MGAT4C: variants seen among roughly 807,000 people sequenced by gnomAD.
The protein encoded by MGAT4C is MGAT4 family member C.
A neutral mutation model predicts 40.1 loss-of-function variants in MGAT4C; 19 were observed. The observed-to-expected ratio is 0.47, with a 90% CI of 0.33 to 0.70. MGAT4C has a LOEUF of 0.70. MGAT4C is among the 30% of genes least tolerant of loss of function. The pLI, the probability that MGAT4C is intolerant of heterozygous loss-of-function variation, is 0.02. For synonymous variants in MGAT4C, 181 were observed against 187.1 expected (o/e 0.97, Z 0.27); for missense variants, 491 against 563.2 (o/e 0.87, Z 1.30).
At chr12:86,174,579 G>A (rs1437199316) in intron 1 of MGAT4C, among the ~76,000 whole-genome samples, 1 of 151,928 alleles carries the variant, frequency 6.6e-6, no homozygotes, top group Non-Finnish European at 1.5e-5. Flanking sequence ...ATTATTTAAG[G>A]TTCTACCATT....
At chr12:86,433,137 G>C (rs1361301759) in intron 3 of MGAT4C, among the ~76,000 whole-genome samples, 5 of 151,934 alleles carry the variant, frequency 3.3e-5, no homozygotes, top group African/African-American at 1.2e-4. Context: ...AAACTCATCA[G>C]GGGGGCAGAG....
intron 4 of MGAT4C, among the ~76,000 whole-genome samples, chr12:86,274,128 G>A (rs1953013827): frequency 6.6e-6 from 1 of 152,060 alleles, no homozygotes. Context: ...GAGAGTGAGG[G>A]AAGAGGTGCT....
Position 86,795,026 on chromosome 12 carries a change from T to A in MGAT4C, c.-262+43640A>T, listed in dbSNP as rs188466893. 5.3e-4 allele frequency among the ~76,000 whole-genome samples: 80 copies of A among 152,096 alleles called. No individual in the cohort carries two copies. In the East Asian group the frequency reaches 0.015, roughly 29 times the overall value. ...TCATAGAAATATATTTAAAATGATA[T>A]AAGCATAATGTTCAATTTTAAAACT... is the stretch of plus-strand genomic sequence containing the variant. On this transcript the variant is annotated intron_variant, in intron 1 of 7. Coordinates refer to the MGAT4C transcript ENST00000548651.
chr12:86,783,235 G>C (rs1306267573), intron 1 of MGAT4C, among the ~76,000 whole-genome samples: 4 of 152,010 alleles, frequency 2.6e-5, no homozygotes, highest in Admixed American at 1.3e-4. Context: ...AGACCGAAAG[G>C]CCATAAGAAT....
rs1179790314 is a variant in MGAT4C at position 86,774,291 on chromosome 12, C to CTTTCTTTCTT, written c.-261-47060_-261-47051dup. Among the ~76,000 whole-genome samples the CTTTCTTTCTT allele has an allele frequency of 4.1e-3, 116 of 28,620 alleles. 12 individuals carry two copies. Among genetic ancestry groups the CTTTCTTTCTT allele is most frequent in the African/African-American group, 8.2e-3 (91 of 11,146 alleles). The allele number at this position is 28,620 out of a possible 152,430, so 18.8% of individuals were successfully genotyped here. Reference sequence around the variant, plus strand: ...AACTTCTAAGGCTTGCTCTTTCTTTCTTTCTTTCTTTCTTTCTTTCTTTCT... The same window carrying CTTTCTTTCTT: ...AACTTCTAAGGCTTGCTCTTTCTTTCTTTCTTTCTTTTTCTTTCTTTCTTTCTTTCTTTCT... On this transcript the variant is annotated intron_variant, in intron 1 of 7. Coordinates refer to the MGAT4C transcript ENST00000548651.
rs537112803 is a variant in MGAT4C, at chr12:86,593,750, CTG to C, written c.-229+133457_-229+133458del. ...TATTATTTCTATTCTTTTAAATAGA[CTG>C]AGATTTTTTTCGGCTGCATATTTGT... On this transcript the variant is annotated intron_variant, in intron 2 of 7. Coordinates refer to the MGAT4C transcript ENST00000548651. 3.0e-3 allele frequency among the ~76,000 whole-genome samples: 454 copies of C among 152,106 alleles called. 2 individuals carry two copies. The highest frequency in any genetic ancestry group is 0.01 in the African/African-American group (434 of 41,512).
chr12:86,131,625 G>T (rs1471967114), intron 1 of MGAT4C, among the ~76,000 whole-genome samples: 1 of 151,620 alleles, frequency 6.6e-6, no homozygotes, highest in African/African-American at 2.4e-5. Flanking sequence ...ATTTTTACTG[G>T]CTTTATGTCA....
chr12:86,596,092 T>A (rs928297981), intron 2 of MGAT4C, among the ~76,000 whole-genome samples: 62 of 152,174 alleles, frequency 4.1e-4, no homozygotes, highest in African/African-American at 1.4e-3. Context: ...CTTTTTTTTT[T>A]AATTATTATA....
At chr12:86,569,135 A>G (rs1592996229) in intron 2 of MGAT4C, among the ~76,000 whole-genome samples, 2 of 152,184 alleles carry the variant, frequency 1.3e-5, no homozygotes, top group Middle Eastern at 6.8e-3. Context: ...CAAAGGTTTT[A>G]TGACTAAGAC....
intron 2 of MGAT4C, among the ~76,000 whole-genome samples, chr12:86,645,163 G>T (rs1336469603): frequency 1.3e-5 from 2 of 151,434 alleles, no homozygotes; most frequent in East Asian, 3.9e-4. Flanking sequence ...ACATGTATAT[G>T]ATGTAAAAAA....
chr12:86,245,876 T>C (rs1427436312), intron 1 of MGAT4C, among the ~76,000 whole-genome samples: 2 of 152,202 alleles, frequency 1.3e-5, no homozygotes, highest in Admixed American at 1.3e-4. Flanking sequence ...TGAGAATAAA[T>C]CTATAATCAT....
intron 4 of MGAT4C, among the ~76,000 whole-genome samples, chr12:86,321,233 C>T (rs1954377914): frequency 6.6e-6 from 1 of 152,036 alleles, no homozygotes; most frequent in African/African-American, 2.4e-5. Flanking sequence ...AGAAAAAAGA[C>T]ATGATGTGAG....
chr12:86,329,220 T>C (rs562761605), intron 4 of MGAT4C, among the ~76,000 whole-genome samples: 1 of 151,844 alleles, frequency 6.6e-6, no homozygotes, highest in South Asian at 2.1e-4. Context: ...ATAACCTTGT[T>C]CCAAAACTTG....
chr12:86,673,418 C>A (rs1218498747), intron 2 of MGAT4C, among the ~76,000 whole-genome samples: 1 of 152,130 alleles, frequency 6.6e-6, no homozygotes, highest in African/African-American at 2.4e-5. Flanking sequence ...ATTCTCACAA[C>A]TCCCTGAGTA....
chr12:86,267,000 TTGTCTCC>T lies in MGAT4C; in HGVS notation c.-57+67058_-57+67064del, dbSNP rs376963979. Among the ~76,000 whole-genome samples the T allele has an allele frequency of 3.9e-3, 589 of 152,220 alleles. 1 individual carries two copies. Among genetic ancestry groups the T allele is most frequent in the African/African-American group, 0.014 (572 of 41,584 alleles). On this transcript the variant is annotated intron_variant, in intron 4 of 7. Coordinates refer to the MGAT4C transcript ENST00000548651. ...TTTTTCACTTTTGATTCTACTTTTA[TTGTCTCC>T]TGTCTCTTATTGGTTAGTTTATCAG...
intron 1 of MGAT4C, among the ~76,000 whole-genome samples, chr12:86,151,439 C>T (rs1440969563): frequency 6.6e-6 from 1 of 152,156 alleles, no homozygotes; most frequent in Middle Eastern, 3.4e-3. Context: ...GGTGAAACCC[C>T]GTCTCTACTA....
chr12:86,697,220 A>G (rs1451248440), intron 2 of MGAT4C, among the ~76,000 whole-genome samples: 1 of 152,060 alleles, frequency 6.6e-6, no homozygotes, highest in Non-Finnish European at 1.5e-5. Flanking sequence ...TATATTCGCT[A>G]AAGTAGAGAT....
intron 2 of MGAT4C, 44 bp from the exon 3 acceptor site, chr12:85,989,596 G>A (rs1885649627): frequency 4.0e-6 from 6 of 1,513,370 alleles, no homozygotes; most frequent in Non-Finnish European, 4.5e-6. Flanking sequence ...GGTTTTGGAT[G>A]CAAATATTTC....
chr12:85,986,437 C>T (rs1885210149), intron 3 of MGAT4C, among the ~76,000 whole-genome samples: 3 of 152,278 alleles, frequency 2.0e-5, no homozygotes, highest in Middle Eastern at 3.4e-3. Context: ...TGCCTTGTAA[C>T]GGTGTTTGTC....
Sources: allele counts gnomAD v4.1 joint callset (sites outside exome capture counted in the v4.1 genomes callset), GRCh38; gene constraint gnomAD v4.1.1; transcripts MANE v1.5; gene names NCBI Gene and HGNC (gene_info 2026-07-23, HGNC 2026-07-21).